Variants in PLXNA4 observed in about 807,000 individuals in gnomAD.
PLXNA4 encodes the protein plexin A4.
In PLXNA4, 44 loss-of-function variants were observed where a neutral mutation model predicts 191.8. That is an observed-to-expected ratio of 0.23 (90% CI 0.18 to 0.29). The LOEUF is 0.29. PLXNA4 is among the 10% of genes least tolerant of loss of function. PLXNA4 has a pLI of 1.00. For synonymous variants in PLXNA4, 1,082 were observed against 1,009.5 expected, an observed-to-expected ratio of 1.07 and a Z score of -1.36; for missense variants, 1,800 against 2,488.8, an observed-to-expected ratio of 0.72 and a Z score of 5.89.
chr7:132,362,906 T>C (rs6467433), intron 3 of PLXNA4, among the ~76,000 whole-genome samples: 55,931 of 152,084 alleles, frequency 0.37, 11,796 homozygotes, highest in African/African-American at 0.57. Context: ...ATTTTAGCTA[T>C]TTTTAAGTGT....
intron 16 of PLXNA4, among the ~76,000 whole-genome samples, chr7:132,183,657 A>T (rs2116755572): frequency 6.6e-6 from 1 of 152,346 alleles, no homozygotes; most frequent in Admixed American, 6.5e-5. Flanking sequence ...GGCTGCATCA[A>T]CTTCCTGGGG....
At chr7:132,476,915 A>G (rs574083736) in intron 3 of PLXNA4, among the ~76,000 whole-genome samples, 8 of 152,318 alleles carry the variant, frequency 5.3e-5, no homozygotes, top group Admixed American at 2.0e-4. Flanking sequence ...AATGAAAGAA[A>G]AGGAATAATT....
intron 3 of PLXNA4, among the ~76,000 whole-genome samples, chr7:132,477,288 G>C (rs991224490): frequency 6.6e-6 from 1 of 152,174 alleles, no homozygotes; most frequent in Non-Finnish European, 1.5e-5. Flanking sequence ...TCCAGGCAGG[G>C]TTATATTTTC....
At chr7:132,586,970 C>T (rs1802516260) in intron 2 of PLXNA4, among the ~76,000 whole-genome samples, 1 of 152,046 alleles carries the variant, frequency 6.6e-6, no homozygotes, top group East Asian at 1.9e-4. Context: ...ACAATAAGCT[C>T]AATATGAATC....
intron 1 of PLXNA4, among the ~76,000 whole-genome samples, chr7:132,536,293 C>A (rs545206059): frequency 3.7e-4 from 57 of 152,296 alleles, no homozygotes; most frequent in African/African-American, 1.3e-3. Context: ...TTCTTCCCGT[C>A]GTTCCCTATA....
chr7:132,579,329 G>A (rs920933968), upstream of PLXNA4, among the ~76,000 whole-genome samples: 4 of 152,064 alleles, frequency 2.6e-5, 1 homozygote, highest in South Asian at 4.2e-4. Context: ...AGGAAGGGGG[G>A]AAGGTGAGAA....
At chr7:132,143,848 TC>T (rs1795339908) in intron 29 of PLXNA4, among the ~76,000 whole-genome samples, 1 of 152,228 alleles carries the variant, frequency 6.6e-6, no homozygotes, top group Non-Finnish European at 1.5e-5. Context: ...ACGAAGGTCT[TC>T]TCTCACTAGG....
At chr7:132,635,545 A>G (rs1027081859) in intron 2 of PLXNA4, among the ~76,000 whole-genome samples, 1 of 152,148 alleles carries the variant, frequency 6.6e-6, no homozygotes, top group African/African-American at 2.4e-5. Context: ...GAAGGAAAAA[A>G]CAATGTGAGC....
At chr7:132,394,745 C>T (rs930309929) in intron 3 of PLXNA4, among the ~76,000 whole-genome samples, 7 of 152,258 alleles carry the variant, frequency 4.6e-5, no homozygotes, top group Non-Finnish European at 1.0e-4. Context: ...AAGAACCTTT[C>T]CCCACTTTTT....
At chr7:132,622,905 A>C (rs141299657) in intron 2 of PLXNA4, among the ~76,000 whole-genome samples, 173 of 152,308 alleles carry the variant, frequency 1.1e-3, no homozygotes, top group Non-Finnish European at 2.1e-3. Context: ...CCCGAGGTAG[A>C]GTCATGCCCA....
chr7:132,562,930 C>CCTCCTCCCCCT (rs1801321309), intron 1 of PLXNA4, among the ~76,000 whole-genome samples: 2 of 7,924 alleles, frequency 2.5e-4, no homozygotes, highest in Non-Finnish European at 5.2e-4. Flanking sequence ...CTCCTCCTCT[C>CCTCCTCCCCCT]CCTCCTCCTC....
intron 5 of PLXNA4, among the ~76,000 whole-genome samples, chr7:132,233,694 G>A (rs898118414): frequency 6.6e-6 from 1 of 152,224 alleles, no homozygotes; most frequent in African/African-American, 2.4e-5. Context: ...GTTGAGTGGA[G>A]ACCCAAGAAC....
intron 13 of PLXNA4, among the ~76,000 whole-genome samples, chr7:132,197,743 C>T (rs1797296533): frequency 6.6e-6 from 1 of 152,086 alleles, no homozygotes; most frequent in Non-Finnish European, 1.5e-5. Context: ...CAAGACCCAG[C>T]AAGCAGAAAT....
chr7:132,419,695 C>G (rs1563088204), intron 3 of PLXNA4, among the ~76,000 whole-genome samples: 1 of 152,130 alleles, frequency 6.6e-6, no homozygotes, highest in Non-Finnish European at 1.5e-5. Flanking sequence ...CTGGACTAGA[C>G]CAAGGGTCAG....
intron 3 of PLXNA4, among the ~76,000 whole-genome samples, chr7:132,329,036 T>C (rs577017705): frequency 6.6e-6 from 1 of 152,260 alleles, no homozygotes; most frequent in African/African-American, 2.4e-5. Context: ...AAAATCCAGA[T>C]TCTCGGACTC....
At chr7:132,483,459 C>T (rs767627002) in intron 3 of PLXNA4, among the ~76,000 whole-genome samples, 1 of 152,172 alleles carries the variant, frequency 6.6e-6, no homozygotes, top group Non-Finnish European at 1.5e-5. Context: ...CATGGCCAGA[C>T]TCCTAATATG....
At chr7:132,304,006 G>A (rs549854160) in intron 3 of PLXNA4, among the ~76,000 whole-genome samples, 13 of 152,278 alleles carry the variant, frequency 8.5e-5, no homozygotes, top group African/African-American at 3.1e-4. Flanking sequence ...AGTGATGAGA[G>A]CTTGACTAAT....
intron 9 of PLXNA4, among the ~76,000 whole-genome samples, chr7:132,216,887 A>T (rs1458906881): frequency 6.6e-6 from 1 of 152,202 alleles, no homozygotes; most frequent in Non-Finnish European, 1.5e-5. Flanking sequence ...GTATCTCTGA[A>T]CTATGATTTG....
At chr7:132,210,428 C>T (rs1471413526) in intron 10 of PLXNA4, among the ~76,000 whole-genome samples, 1 of 152,202 alleles carries the variant, frequency 6.6e-6, no homozygotes, top group African/African-American at 2.4e-5. Flanking sequence ...CTAAGCAGCG[C>T]TCTCCTAGCC....
Sources: gnomAD v4.1 joint callset for allele counts (sites outside exome capture counted in the v4.1 genomes callset) on GRCh38, gnomAD v4.1.1 for gene constraint, MANE v1.5 for transcripts, NCBI Gene and HGNC (gene_info 2026-07-23, HGNC 2026-07-21) for gene names.